Variants in TCTN2 observed in about 807,000 individuals in gnomAD.
TCTN2 encodes the protein tectonic-2.
TCTN2 carries 66 observed loss-of-function variants against 83.4 expected under a neutral mutation model. That is an observed-to-expected ratio of 0.79 (90% CI 0.65 to 0.97). The LOEUF (loss-of-function observed/expected upper bound fraction) is 0.97. TCTN2 is among the 50% of genes least tolerant of loss of function. TCTN2 has a pLI of 0.00. For synonymous variants in TCTN2, 301 were observed against 326.7 expected, an observed-to-expected ratio of 0.92 and a Z score of 0.85; for missense variants, 794 against 858.1, an observed-to-expected ratio of 0.93 and a Z score of 0.93.
At chr12:123,700,065 G>T (rs1956154460) in intron 14 of TCTN2, 4 of 545,768 alleles carry the variant, frequency 7.3e-6, no homozygotes, top group Non-Finnish European at 1.3e-5. Flanking sequence ...AGGCTGGAGT[G>T]CAGTGGTGCA....
Position 123,687,428 on chromosome 12 carries a change from C to T in TCTN2, c.764+393C>T, listed in dbSNP as rs187388942. ...ATCCCAGCACTTTGGGAGGCCGAGG[C>T]GGGCAGATCATGAGGTCAGGAGATC... On this transcript the variant is annotated intron_variant, in intron 6 of 17. Transcript: ENST00000303372. Among the ~76,000 whole-genome samples the T allele has an allele frequency of 3.0e-3, 460 of 152,210 alleles. 4 individuals are homozygous for T. Among genetic ancestry groups the T allele is most frequent in the Middle Eastern group, 6.8e-3 (2 of 294 alleles).
chr12:123,701,603 C>T (rs781593801), intron 14 of TCTN2, among the ~76,000 whole-genome samples: 4 of 151,498 alleles, frequency 2.6e-5, no homozygotes, highest in Non-Finnish European at 4.4e-5. Flanking sequence ...ATTAGCCGGG[C>T]GTGGTGGTGG....
intron 4 of TCTN2, 64 bp downstream of exon 4, chr12:123,673,874 A>T (rs1027676310): frequency 1.3e-6 from 2 of 1,534,542 alleles, no homozygotes; most frequent in Non-Finnish European, 1.8e-6. Context: ...AGGAAGAGGT[A>T]GGAGGATTGC....
At chr12:123,706,592 A>G (rs1956232261) in intron 15 of TCTN2, 134 bp from the exon 16 acceptor site, 5 of 1,349,014 alleles carry the variant, frequency 3.7e-6, no homozygotes, top group Non-Finnish European at 5.2e-6. Flanking sequence ...ATACTGAGAA[A>G]AAACAGCCCA....
At chr12:123,677,259 G>A (rs773553102) in intron 4 of TCTN2, among the ~76,000 whole-genome samples, 4 of 152,188 alleles carry the variant, frequency 2.6e-5, no homozygotes, top group Non-Finnish European at 5.9e-5. Flanking sequence ...CCCGTGTAAC[G>A]TGGTCTGCGA....
Position 123,706,993 on chromosome 12 carries a change from TC to T in TCTN2, c.1905del (p.Asn636IlefsTer82). On this transcript the variant is annotated frameshift_variant, in exon 17 of 18. Coordinates refer to ENST00000303372, the MANE Select transcript of TCTN2 (RefSeq NM_024809.5). LOFTEE classifies it high-confidence loss of function. Reference sequence around the variant, plus strand: ...TCTAAAATGTTTTCTAGATTCCAGATCAATTATACAGAGTATGACTGCAACA... The same window carrying T: ...TCTAAAATGTTTTCTAGATTCCAGATAATTATACAGAGTATGACTGCAACA... ...QLPHPLTRFQ[I>X]NYTEYDCNRN... 1 of 1,614,130 alleles carries T rather than the reference TC, an allele frequency of 6.2e-7. No individual in the cohort carries two copies. The highest frequency in any genetic ancestry group is 8.5e-7 in the Non-Finnish European group (1 of 1,180,020).
At chr12:123,683,200 G>A (rs957445216) in intron 5 of TCTN2, among the ~76,000 whole-genome samples, 3 of 151,838 alleles carry the variant, frequency 2.0e-5, no homozygotes, top group African/African-American at 7.3e-5. Context: ...TCCAGCCTGG[G>A]CGACAGAGTG....
intron 8 of TCTN2, among the ~76,000 whole-genome samples, chr12:123,691,712 C>T (rs1956043009): frequency 6.6e-6 from 1 of 151,198 alleles, no homozygotes; most frequent in Admixed American, 6.6e-5. Context: ...TGAGGACCCA[C>T]CAAATTGTTT....
chr12:123,678,197 T>G (rs1955848520), intron 4 of TCTN2, among the ~76,000 whole-genome samples: 1 of 152,214 alleles, frequency 6.6e-6, no homozygotes, highest in Non-Finnish European at 1.5e-5. Flanking sequence ...TTGTCCCACC[T>G]GCACTGTTGG....
At chr12:123,679,986 G>C (rs1352889048) in intron 5 of TCTN2, among the ~76,000 whole-genome samples, 1 of 150,880 alleles carries the variant, frequency 6.6e-6, no homozygotes, top group Admixed American at 6.6e-5. Context: ...TGATCCGCCC[G>C]CCTCGGCCTC....
chr12:123,700,440 G>T (rs1469425252), intron 14 of TCTN2, among the ~76,000 whole-genome samples: 2 of 151,750 alleles, frequency 1.3e-5, no homozygotes, highest in East Asian at 2.0e-4. Flanking sequence ...TTGTTTGGTT[G>T]GTTTTTTTTG....
At chr12:123,687,258 A>G (rs537544976) in intron 6 of TCTN2, among the ~76,000 whole-genome samples, 1 of 152,226 alleles carries the variant, frequency 6.6e-6, no homozygotes, top group African/African-American at 2.4e-5. Context: ...AAAACAGCTC[A>G]TGGTGCTTTT....
intron 8 of TCTN2, among the ~76,000 whole-genome samples, chr12:123,692,190 C>T (rs1956051485): frequency 6.6e-6 from 1 of 152,144 alleles, no homozygotes. Flanking sequence ...GGATTACGGG[C>T]ATGAGCCACC....
intron 12 of TCTN2, 193 bp from the exon 13 acceptor site, chr12:123,696,894 G>A (rs1016170674): frequency 5.0e-5 from 29 of 582,648 alleles, no homozygotes; most frequent in Admixed American, 2.0e-4. Flanking sequence ...AGAAACCACC[G>A]CTCAGGATCT....
intron 4 of TCTN2, among the ~76,000 whole-genome samples, chr12:123,674,275 C>CT (rs1955793069): frequency 1.3e-5 from 2 of 151,606 alleles, no homozygotes; most frequent in South Asian, 4.2e-4. Context: ...CATTGATTCT[C>CT]TCTCTTTTTT....
At chr12:123,701,017 C>T (rs929054310) in intron 14 of TCTN2, among the ~76,000 whole-genome samples, 1 of 152,164 alleles carries the variant, frequency 6.6e-6, no homozygotes, top group Non-Finnish European at 1.5e-5. Context: ...ATTGTTAGTG[C>T]ACTTCAGTTT....
chr12:123,707,951 G>C lies in TCTN2; in HGVS notation c.*238G>C. ...TCTCGAACTCCTGACCTCATGATCC[G>C]CCCATCTTGGCCTCCCAAAGTGCTG... is the stretch of plus-strand genomic sequence containing the variant. On this transcript the variant is annotated 3_prime_UTR_variant, in exon 18 of 18. Coordinates refer to ENST00000303372, the MANE Select transcript of TCTN2 (RefSeq NM_024809.5). 2.1e-6 allele frequency: 1 copy of C among 481,020 alleles called. No individual in the cohort carries two copies. The highest frequency in any genetic ancestry group is 3.8e-6 in the Non-Finnish European group (1 of 264,894). The allele number at this position is 481,020 out of a possible 1,614,324, so 29.8% of individuals were successfully genotyped here.
chr12:123,672,136 A>C lies in TCTN2; in HGVS notation c.267+4A>C, dbSNP rs199924687. 78 of 1,614,026 alleles carry C rather than the reference A, an allele frequency of 4.8e-5. No homozygotes were observed. The highest frequency in any genetic ancestry group is 6.4e-5 in the Non-Finnish European group (75 of 1,179,854). ...CGTGACTGTGATCCCCGGTGCGGTA[A>C]GGCCAGAAGTAAACCTTCTCTGTAG... On this transcript the variant is annotated splice_donor_region_variant and intron_variant, in intron 3 of 17. Transcript: ENST00000303372.
intron 17 of TCTN2, 33 bp from the exon 18 acceptor site, chr12:123,707,571 T>C (rs1467843194): frequency 6.3e-7 from 1 of 1,581,380 alleles, no homozygotes; most frequent in Non-Finnish European, 8.7e-7. Context: ...AGTTAAGAAA[T>C]ACTGCTGTTG....
Sources: allele counts gnomAD v4.1 joint callset (sites outside exome capture counted in the v4.1 genomes callset), GRCh38; gene constraint gnomAD v4.1.1; transcripts MANE v1.5; gene names NCBI Gene and HGNC (gene_info 2026-07-23, HGNC 2026-07-21).